Variants in SERGEF observed in about 807,000 individuals in gnomAD.
SERGEF encodes secretion-regulating guanine nucleotide exchange factor.
Under a neutral mutation model 50.0 loss-of-function variants are expected in SERGEF, and 51 were observed. The ratio of observed to expected loss-of-function variants is 1.02; its 90% CI spans 0.81 to 1.29. The LOEUF (loss-of-function observed/expected upper bound fraction) is 1.29. SERGEF is among the 50% of genes most tolerant of loss of function. The pLI, the probability that SERGEF is intolerant of heterozygous loss-of-function variation, is 0.00. For synonymous variants in SERGEF, 205 were observed against 212.4 expected (o/e 0.97, Z 0.30); for missense variants, 521 against 557.0 (o/e 0.94, Z 0.65).
At chr11:17,906,431 C>T (rs1476155789) in intron 9 of SERGEF, among the ~76,000 whole-genome samples, 1 of 151,608 alleles carries the variant, frequency 6.6e-6, no homozygotes, top group Non-Finnish European at 1.5e-5. Context: ...GCTTTGTGGT[C>T]TTTAGAGAAA....
chr11:17,959,782 A>G (rs1377069350), intron 8 of SERGEF, 146 bp from the exon 9 acceptor site: 2 of 679,580 alleles, frequency 2.9e-6, no homozygotes, highest in African/African-American at 1.8e-5. Flanking sequence ...AGGCACATGC[A>G]CTCATATTTT....
chr11:17,867,947 G>A (rs1481595296), intron 10 of SERGEF, among the ~76,000 whole-genome samples: 2 of 152,154 alleles, frequency 1.3e-5, no homozygotes. Flanking sequence ...ATACAGTAGG[G>A]GCACCCTGGA....
At position 17,955,800 on chromosome 11, in the gene SERGEF, G is replaced by C. The variant is rs1356678502; in HGVS notation, c.1011+3670C>G. Among the ~76,000 whole-genome samples the C allele has an allele frequency of 2.0e-5, 3 of 152,190 alleles. No homozygotes were observed. In the East Asian group the frequency reaches 5.8e-4, roughly 29 times the overall value. On this transcript the variant is annotated intron_variant, in intron 9 of 10. Transcript: ENST00000265965. ...GGGCAGAGAATAGAGGCAGGGCAAAGAATCAGAGCAAGGCTGAAGTGGTCC... is the reference window on the plus strand; with the variant it reads ...GGGCAGAGAATAGAGGCAGGGCAAACAATCAGAGCAAGGCTGAAGTGGTCC...
At chr11:17,894,548 T>C (rs2133913626) in intron 9 of SERGEF, among the ~76,000 whole-genome samples, 1 of 152,338 alleles carries the variant, frequency 6.6e-6, no homozygotes, top group African/African-American at 2.4e-5. Context: ...TCCCAAATTA[T>C]ATTGATTATA....
intron 10 of SERGEF, among the ~76,000 whole-genome samples, chr11:17,835,546 T>C (rs1850383279): frequency 6.6e-6 from 1 of 152,184 alleles, no homozygotes; most frequent in African/African-American, 2.4e-5. Context: ...TCTCCCTAAC[T>C]ACACCATCAA....
At chr11:17,908,457 C>T (rs1851892224) in intron 9 of SERGEF, among the ~76,000 whole-genome samples, 1 of 152,182 alleles carries the variant, frequency 6.6e-6, no homozygotes, top group South Asian at 2.1e-4. Context: ...GACATGATCC[C>T]CTCCGAGAAG....
At position 17,988,123 on chromosome 11, in the gene SERGEF, C is replaced by T. The variant is rs148521988; in HGVS notation, c.844+474G>A. ...GAGGGAATATATGAGATGTCTGAAC[C>T]AATACACATAGTTTATTAGGTCAAC... On this transcript the variant is annotated intron_variant, in intron 8 of 10. Coordinates refer to ENST00000265965, the MANE Select transcript of SERGEF (RefSeq NM_012139.4). Among the ~76,000 whole-genome samples the T allele has an allele frequency of 3.8e-3, 580 of 152,216 alleles. 4 individuals carry two copies. Among genetic ancestry groups the T allele is most frequent in the Non-Finnish European group, 6.3e-3 (426 of 67,994 alleles).
intron 9 of SERGEF, among the ~76,000 whole-genome samples, chr11:17,895,325 C>T (rs1048512829): frequency 6.6e-6 from 1 of 152,224 alleles, no homozygotes; most frequent in Admixed American, 6.5e-5. Flanking sequence ...GAGATCAAAG[C>T]TTATCATAGC....
chr11:17,912,703 G>A (rs578178016), intron 9 of SERGEF, among the ~76,000 whole-genome samples: 2 of 152,190 alleles, frequency 1.3e-5, no homozygotes, highest in African/African-American at 2.4e-5. Context: ...AAGGACTTGC[G>A]CAGAATCACC....
intron 10 of SERGEF, among the ~76,000 whole-genome samples, chr11:17,877,603 G>A (rs1851261492): frequency 6.6e-6 from 1 of 152,232 alleles, no homozygotes; most frequent in Non-Finnish European, 1.5e-5. Context: ...TCTCTTTAAT[G>A]TACTGTGAGA....
At chr11:17,955,582 A>G (rs1471822535) in intron 9 of SERGEF, among the ~76,000 whole-genome samples, 1 of 152,260 alleles carries the variant, frequency 6.6e-6, no homozygotes, top group Non-Finnish European at 1.5e-5. Flanking sequence ...CAATAAGGGC[A>G]CAGCCATAGG....
chr11:17,802,078 C>A (rs1374032861), intron 10 of SERGEF, among the ~76,000 whole-genome samples: 3 of 152,204 alleles, frequency 2.0e-5, no homozygotes, highest in African/African-American at 7.2e-5. Context: ...TCTTCTCTAA[C>A]CCTGCTGAGC....
chr11:17,906,757 A>C (rs1314284089), intron 9 of SERGEF, among the ~76,000 whole-genome samples: 1 of 152,070 alleles, frequency 6.6e-6, no homozygotes, highest in Non-Finnish European at 1.5e-5. Flanking sequence ...AATTCAGTGG[A>C]AAAGTACTGT....
intron 8 of SERGEF, among the ~76,000 whole-genome samples, chr11:17,977,334 G>T (rs955385206): frequency 6.6e-6 from 1 of 152,178 alleles, no homozygotes; most frequent in African/African-American, 2.4e-5. Flanking sequence ...AGAACCAATG[G>T]AAGTGAGGCA....
chr11:17,865,494 A>G (rs1213625385), intron 10 of SERGEF, among the ~76,000 whole-genome samples: 1 of 152,144 alleles, frequency 6.6e-6, no homozygotes, highest in Non-Finnish European at 1.5e-5. Context: ...GGCTCCATAC[A>G]TGCCTCTGAA....
chr11:17,928,636 A>AG (rs1217392229), intron 9 of SERGEF, among the ~76,000 whole-genome samples: 1 of 152,172 alleles, frequency 6.6e-6, no homozygotes, highest in Non-Finnish European at 1.5e-5. Context: ...TGAAAAAAAA[A>AG]CAATAAAGAA....
chr11:18,012,542 T>A (rs1355395008), intron 1 of SERGEF: 3 of 1,138,446 alleles, frequency 2.6e-6, no homozygotes, highest in Non-Finnish European at 3.3e-6. Context: ...AGGGTCTCCC[T>A]CCTCCAGGCA....
intron 8 of SERGEF, among the ~76,000 whole-genome samples, chr11:17,977,675 T>C (rs925205564): frequency 5.3e-5 from 8 of 152,122 alleles, no homozygotes; most frequent in Non-Finnish European, 1.2e-4. Flanking sequence ...CTTAATATTA[T>C]GGAGACAAGG....
At chr11:17,812,620 A>C (rs574790932) in intron 10 of SERGEF, among the ~76,000 whole-genome samples, 17 of 152,250 alleles carry the variant, frequency 1.1e-4, no homozygotes, top group African/African-American at 3.4e-4. Context: ...ATCCTGCTTC[A>C]TCCTTCAGGG....
Sources: allele counts gnomAD v4.1 joint callset (sites outside exome capture counted in the v4.1 genomes callset), GRCh38; gene constraint gnomAD v4.1.1; transcripts MANE v1.5; gene names NCBI Gene and HGNC (gene_info 2026-07-23, HGNC 2026-07-21).